Variants in HCN1 observed in about 807,000 individuals in gnomAD.
The protein encoded by HCN1 is potassium/sodium hyperpolarization-activated cyclic nucleotide-gated channel 1.
A neutral mutation model predicts 78.9 loss-of-function variants in HCN1; 13 were observed. That is an observed-to-expected ratio of 0.16 (90% CI 0.11 to 0.26). The LOEUF (loss-of-function observed/expected upper bound fraction) is 0.26. HCN1 is among the 10% of genes least tolerant of loss of function. HCN1 has a pLI of 1.00. For missense variants in HCN1, 810 were observed against 1,154.3 expected (o/e 0.70, Z 4.32); for synonymous variants, 552 against 455.5 (o/e 1.21, Z -2.70).
intron 2 of HCN1, among the ~76,000 whole-genome samples, chr5:45,532,765 C>A (rs1292413398): frequency 6.6e-6 from 1 of 152,138 alleles, no homozygotes; most frequent in Non-Finnish European, 1.5e-5. Context: ...TTCATTTGAA[C>A]CAGTGTACAG....
intron 2 of HCN1, among the ~76,000 whole-genome samples, chr5:45,508,872 T>C (rs1471832835): frequency 6.6e-6 from 1 of 152,124 alleles, no homozygotes; most frequent in Non-Finnish European, 1.5e-5. Flanking sequence ...TGAAACCTTG[T>C]GAAAGCCAAA....
chr5:45,278,769 A>G (rs934808539), intron 6 of HCN1, among the ~76,000 whole-genome samples: 1 of 152,126 alleles, frequency 6.6e-6, no homozygotes, highest in Non-Finnish European at 1.5e-5. Context: ...TTTTCCTTAT[A>G]TATCTTATTC....
intron 4 of HCN1, among the ~76,000 whole-genome samples, chr5:45,380,048 G>A (rs2112024464): frequency 6.6e-6 from 1 of 152,136 alleles, no homozygotes; most frequent in South Asian, 2.1e-4. Context: ...ATTTGTCTTA[G>A]TCCATTCATG....
intron 2 of HCN1, among the ~76,000 whole-genome samples, chr5:45,561,047 C>A (rs1226115865): frequency 6.6e-6 from 1 of 151,984 alleles, no homozygotes; most frequent in Non-Finnish European, 1.5e-5. Context: ...GAGTGCCTTT[C>A]TTTAACAAAT....
At chr5:45,548,991 A>G (rs543600479) in intron 2 of HCN1, among the ~76,000 whole-genome samples, 1 of 151,532 alleles carries the variant, frequency 6.6e-6, no homozygotes, top group East Asian at 1.9e-4. Context: ...TCAATGAAAT[A>G]AAAGAGGATA....
chr5:45,450,135 A>G (rs1031728761), intron 3 of HCN1, among the ~76,000 whole-genome samples: 5 of 152,208 alleles, frequency 3.3e-5, no homozygotes, highest in South Asian at 4.1e-4. Flanking sequence ...CCAGCCGAAC[A>G]TAAGTTTTAT....
intron 3 of HCN1, among the ~76,000 whole-genome samples, chr5:45,423,842 A>G (rs1396888587): frequency 1.3e-5 from 2 of 152,172 alleles, no homozygotes; most frequent in East Asian, 1.9e-4. Context: ...TTTAAATTGC[A>G]TATTTTTATT....
chr5:45,531,989 G>A (rs766048820), intron 2 of HCN1, among the ~76,000 whole-genome samples: 2 of 152,188 alleles, frequency 1.3e-5, no homozygotes, highest in East Asian at 1.9e-4. Context: ...GCAGAGAGCC[G>A]AGATCGCACC....
At chr5:45,410,196 T>C (rs565419088) in intron 3 of HCN1, among the ~76,000 whole-genome samples, 3 of 152,154 alleles carry the variant, frequency 2.0e-5, no homozygotes, top group Admixed American at 6.5e-5. Flanking sequence ...GTCTTTATTA[T>C]CTTCATTTAC....
intron 5 of HCN1, among the ~76,000 whole-genome samples, chr5:45,323,739 GGT>G (rs928615687): frequency 6.6e-6 from 1 of 151,460 alleles, no homozygotes; most frequent in African/African-American, 2.4e-5. Flanking sequence ...CGACAGGCCC[GGT>G]GTGTGATGTT....
chr5:45,501,766 G>C (rs568491765), intron 2 of HCN1, among the ~76,000 whole-genome samples: 7 of 152,034 alleles, frequency 4.6e-5, no homozygotes, highest in African/African-American at 7.2e-5. Flanking sequence ...TTAAAGCATA[G>C]AGTTATGATA....
At chr5:45,434,917 T>C (rs12520124) in intron 3 of HCN1, among the ~76,000 whole-genome samples, 75,558 of 151,832 alleles carry the variant, frequency 0.5, 20,101 homozygotes, top group African/African-American at 0.68. Flanking sequence ...AAAGAGCCAA[T>C]AGATATTTAA....
rs767152036 is a variant in HCN1, at chr5:45,462,031, A to T, written c.850-24T>A. The T allele has an allele frequency of 1.4e-5, 22 of 1,597,368 alleles. No individual in the cohort carries two copies. In the African/African-American group the frequency reaches 3.0e-4, roughly 22 times the overall value. On this transcript the variant is annotated intron_variant, in intron 2 of 7. Transcript: ENST00000303230. Reference sequence around the variant, plus strand: ...ATCTGTTGACCAAAATATAAAATCAATTCTTATAATCAATTTTTTAGAAAA... The same window carrying T: ...ATCTGTTGACCAAAATATAAAATCATTTCTTATAATCAATTTTTTAGAAAA...
chr5:45,277,468 A>C (rs1745086446), intron 6 of HCN1, among the ~76,000 whole-genome samples: 1 of 152,090 alleles, frequency 6.6e-6, no homozygotes, highest in Admixed American at 6.6e-5. Flanking sequence ...ACATAAACAA[A>C]ACAAAACAAA....
intron 3 of HCN1, among the ~76,000 whole-genome samples, chr5:45,414,900 T>C (rs1740091232): frequency 6.6e-6 from 1 of 152,046 alleles, no homozygotes. Context: ...CCTTAATAAC[T>C]ATGCTTGTCT....
chr5:45,353,108 G>C lies in HCN1; in HGVS notation c.1369C>G (p.Leu457Val), dbSNP rs766405905. ...ENILNELNDP[L>V]REEIVNFNCR... ...AGGACAATAAATCTTACCTCTCTCAGAGGATCATTGAGTTCATTGAGAATA... is the reference window on the plus strand; with the variant it reads ...AGGACAATAAATCTTACCTCTCTCACAGGATCATTGAGTTCATTGAGAATA... Residue 457 changes from leucine (L) to valine (V), a missense_variant, in exon 5 of 8, where the codon CTG becomes GTG. Transcript: ENST00000303230. The C allele has an allele frequency of 6.2e-7, 1 of 1,610,276 alleles. No individual in the cohort carries two copies. The highest frequency in any genetic ancestry group is 1.7e-5 in the Admixed American group (1 of 59,836).
intron 6 of HCN1, among the ~76,000 whole-genome samples, chr5:45,302,756 T>C (rs531875053): frequency 6.0e-4 from 92 of 152,082 alleles, no homozygotes; most frequent in South Asian, 4.2e-4. Context: ...GGGGAGGTAA[T>C]TGAATCATGG....
intron 3 of HCN1, among the ~76,000 whole-genome samples, chr5:45,426,998 CATTAT>C (rs1434998875): frequency 2.0e-5 from 3 of 151,720 alleles, no homozygotes; most frequent in Non-Finnish European, 2.9e-5. Context: ...TATACATATT[CATTAT>C]ATTATAATAT....
intron 3 of HCN1, among the ~76,000 whole-genome samples, chr5:45,452,864 T>C (rs1180845353): frequency 6.6e-6 from 1 of 152,062 alleles, no homozygotes; most frequent in Non-Finnish European, 1.5e-5. Context: ...TGATGGGTTA[T>C]ACAATGGGGT....
Sources: allele counts gnomAD v4.1 joint callset (sites outside exome capture counted in the v4.1 genomes callset), GRCh38; gene constraint gnomAD v4.1.1; transcripts MANE v1.5; gene names NCBI Gene and HGNC (gene_info 2026-07-23, HGNC 2026-07-21).